RYR2: variants seen among roughly 807,000 people sequenced by gnomAD.
RYR2 encodes ryanodine receptor 2, also known as cardiac muscle ryanodine receptor-calcium release channel.
RYR2 carries 227 observed loss-of-function variants against 601.1 expected under a neutral mutation model. The observed-to-expected ratio is 0.38, with a 90% confidence interval of 0.34 to 0.42. RYR2 has a LOEUF of 0.42. Among genes scored for constraint, RYR2 ranks in the 10% least tolerant of loss-of-function variants. The pLI, the probability that RYR2 is intolerant of heterozygous loss-of-function variation, is 1.00. For synonymous variants in RYR2, 2,223 were observed against 2,175.1 expected (o/e 1.02, Z -0.61); for missense variants, 4,646 against 6,156.5 (o/e 0.75, Z 8.21).
At chr1:237,228,159 T>C (rs967855739) in intron 1 of RYR2, among the ~76,000 whole-genome samples, 17 of 152,114 alleles carry the variant, frequency 1.1e-4, no homozygotes, top group Non-Finnish European at 1.3e-4. Context: ...CCAAAGTCCA[T>C]TGTGTCATTC....
chr1:237,797,393 G>T (rs987921510), intron 96 of RYR2, among the ~76,000 whole-genome samples: 3 of 152,104 alleles, frequency 2.0e-5, no homozygotes, highest in African/African-American at 7.2e-5. Context: ...GAATTGCTGG[G>T]GTCAGGATAC....
intron 42 of RYR2, among the ~76,000 whole-genome samples, chr1:237,633,300 A>G (rs1196828380): frequency 6.6e-6 from 1 of 152,224 alleles, no homozygotes; most frequent in African/African-American, 2.4e-5. Flanking sequence ...AGGCATCACA[A>G]ATGAATCTGC....
Position 237,106,131 on chromosome 1 carries a change from A to G in RYR2, c.48+63562A>G, listed in dbSNP as rs1668653517. Among the ~76,000 whole-genome samples, 1 of 152,110 alleles carries G rather than the reference A, an allele frequency of 6.6e-6. No individual in the cohort carries two copies. Among genetic ancestry groups the G allele is most frequent in the Non-Finnish European group, 1.5e-5 (1 of 68,008 alleles). On this transcript the variant is annotated intron_variant, in intron 1 of 104. Transcript: ENST00000366574. This position sits in a 1 kb window ranked among gnomAD's most constrained non-coding sequence, Gnocchi z 4.4. ...TTGAGAGGACTGGGCTCTTGCTATT[A>G]CTTTTAGCCATATGGGAGTCATTGC...
chr1:237,359,506 T>C lies in RYR2; in HGVS notation c.294+3521T>C, dbSNP rs558165528. Among the ~76,000 whole-genome samples, 48 of 152,310 alleles carry C rather than the reference T, an allele frequency of 3.2e-4. 1 individual carries two copies. The highest frequency in any genetic ancestry group is 1.1e-3 in the African/African-American group (45 of 41,568). ...CTAGGGTGCGTTTACCACCACCAGA[T>C]TAAGACCTTTGGGAGCCTTACAAAC... On this transcript the variant is annotated intron_variant, in intron 4 of 104. Coordinates refer to ENST00000366574, the MANE Select transcript of RYR2 (RefSeq NM_001035.3).
intron 25 of RYR2, among the ~76,000 whole-genome samples, chr1:237,536,605 C>T (rs1371903297): frequency 6.7e-6 from 1 of 149,382 alleles, no homozygotes; most frequent in East Asian, 2.0e-4. Flanking sequence ...GTCCCTGCTA[C>T]TGGGGAGACT....
chr1:237,441,152 A>G (rs1049022717), intron 12 of RYR2, among the ~76,000 whole-genome samples, 167 bp from the exon 13 acceptor site: 2 of 152,222 alleles, frequency 1.3e-5, no homozygotes, highest in African/African-American at 2.4e-5. Flanking sequence ...TAATTCAAGC[A>G]TAAGTTAGAG....
At chr1:237,160,800 T>C (rs924299052) in intron 1 of RYR2, among the ~76,000 whole-genome samples, 3 of 152,152 alleles carry the variant, frequency 2.0e-5, no homozygotes, top group African/African-American at 7.2e-5. Context: ...TAAGAGTTGA[T>C]TCTGAAAATT....
intron 2 of RYR2, among the ~76,000 whole-genome samples, chr1:237,278,454 GAA>G (rs1337150202): frequency 6.6e-6 from 1 of 151,770 alleles, no homozygotes; most frequent in African/African-American, 2.4e-5. Flanking sequence ...CTATCATATA[GAA>G]AAGAATATGT....
intron 3 of RYR2, among the ~76,000 whole-genome samples, chr1:237,353,238 T>A (rs888229917): frequency 6.6e-6 from 1 of 152,148 alleles, no homozygotes; most frequent in African/African-American, 2.4e-5. Context: ...AGTTCATGTT[T>A]ATGTGCCCTA....
At chr1:237,421,816 G>T (rs1446035382) in intron 11 of RYR2, among the ~76,000 whole-genome samples, 1 of 151,960 alleles carries the variant, frequency 6.6e-6, no homozygotes, top group African/African-American at 2.4e-5. Flanking sequence ...TCTGCTTGTT[G>T]TTGACATATG....
chr1:237,511,807 T>C lies in RYR2; in HGVS notation c.2822+16T>C. On this transcript the variant is annotated intron_variant, in intron 24 of 104. Coordinates refer to ENST00000366574, the MANE Select transcript of RYR2 (RefSeq NM_001035.3). The stretch of plus-strand genomic sequence containing the variant: ...AGACCCTGAAGTGAGTTTCTTAACT[T>C]TTTCTATTTTCCAACCTGCCTTCCC... 7.4e-7 allele frequency: 1 copy of C among 1,347,784 alleles called. No individual in the cohort carries two copies. The highest frequency in any genetic ancestry group is 9.9e-7 in the Non-Finnish European group (1 of 1,010,944). 83.5% of individuals were successfully genotyped at this position (1,347,784 alleles called of 1,614,324 possible). A position where few individuals can be genotyped will look rare whatever the true frequency, so the allele number is the denominator to read the frequency against.
intron 1 of RYR2, among the ~76,000 whole-genome samples, chr1:237,171,344 T>C (rs1293146449): frequency 6.6e-6 from 1 of 152,176 alleles, no homozygotes; most frequent in Non-Finnish European, 1.5e-5. Context: ...AAATGATTGA[T>C]ACAGATACTG....
rs72765921 is a variant in RYR2, at chr1:237,310,364, A to G, written c.169-20514A>G. 8.7e-3 allele frequency among the ~76,000 whole-genome samples: 1,325 copies of G among 152,330 alleles called. 10 individuals carry two copies. The highest frequency in any genetic ancestry group is 0.024 in the Middle Eastern group (7 of 294). ...TCTGCCAAAAAGAAAAAATTAAACT[A>G]CAAGCTGAGTCATGCAAGAAGCTGC... On this transcript the variant is annotated intron_variant, in intron 2 of 104. Transcript: ENST00000366574.
At chr1:237,553,346 T>G (rs1456848895) in intron 27 of RYR2, among the ~76,000 whole-genome samples, 1 of 152,032 alleles carries the variant, frequency 6.6e-6, no homozygotes, top group African/African-American at 2.4e-5. Context: ...CAAATTAAAT[T>G]ACCTTGGCGT....
At chr1:237,405,305 T>C (rs776012045) in intron 10 of RYR2, among the ~76,000 whole-genome samples, 1 of 152,176 alleles carries the variant, frequency 6.6e-6, no homozygotes, top group Non-Finnish European at 1.5e-5. Flanking sequence ...AGTCAAAGCA[T>C]AAGATTGCCA....
At chr1:237,659,958 A>C (rs564740529) in intron 54 of RYR2, 27 bp from the exon 55 acceptor site, 1 of 1,499,804 alleles carries the variant, frequency 6.7e-7, no homozygotes, top group Non-Finnish European at 9.1e-7. Flanking sequence ...CGTGTAAAAC[A>C]ATTTTTAATG....
Position 237,833,376 on chromosome 1 carries a change from A to T in RYR2, c.*729A>T, listed in dbSNP as rs1252607293. 2 of 8,060 alleles carry T rather than the reference A, an allele frequency of 2.5e-4. No individual in the cohort carries two copies. The highest frequency in any genetic ancestry group is 3.7e-4 in the Non-Finnish European group (1 of 2,706). 0.5% of individuals were successfully genotyped at this position (8,060 alleles called of 1,614,324 possible). A position where few individuals can be genotyped will look rare whatever the true frequency, so the allele number is the denominator to read the frequency against. ...GCCCCCCCCCCCCGCCCCCGCCCCC[A>T]TATGCTCCTGCTATTATTTTGGTAA... On this transcript the variant is annotated 3_prime_UTR_variant, in exon 105 of 105. Transcript: ENST00000366574.
chr1:237,412,472 T>C (rs1704550947), intron 10 of RYR2, among the ~76,000 whole-genome samples: 1 of 152,190 alleles, frequency 6.6e-6, no homozygotes, highest in Non-Finnish European at 1.5e-5. Flanking sequence ...TGCATATTTT[T>C]AACATTCCTA....
chr1:237,743,608 A>T (rs1691804723), intron 80 of RYR2: 1 of 518,690 alleles, frequency 1.9e-6, no homozygotes, highest in Non-Finnish European at 3.8e-6. Context: ...AGGTCACAGG[A>T]TCCCAACGCA....
Sources: gnomAD v4.1 joint callset for allele counts (sites outside exome capture counted in the v4.1 genomes callset) on GRCh38, gnomAD v4.1.1 for gene constraint, Gnocchi (gnomAD v3.1) non-coding constraint, MANE v1.5 for transcripts, NCBI Gene and HGNC (gene_info 2026-07-23, HGNC 2026-07-21) for gene names.